The following PRODH2 variants were observed in gnomAD, a reference collection of about 807,000 sequenced individuals.
PRODH2 encodes hydroxyproline dehydrogenase.
Under a neutral mutation model 51.9 loss-of-function variants are expected in PRODH2, and 49 were observed. The ratio of observed to expected loss-of-function variants is 0.94; its 90% CI spans 0.75 to 1.20. The LOEUF (loss-of-function observed/expected upper bound fraction) is 1.20. Among genes scored for constraint, PRODH2 ranks in the 50% most tolerant of loss-of-function variants. PRODH2 has a pLI of 0.00. For synonymous variants in PRODH2, 249 were observed against 260.7 expected (o/e 0.96, Z 0.43); for missense variants, 597 against 610.9 (o/e 0.98, Z 0.24).
rs1185084503 is a variant in PRODH2 at position 35,802,245 on chromosome 19, T to C, written c.1144A>G (p.Thr382Ala). ...MWELGIPLDG[T>A]VCFGQLLGMC... ...CCCAGAAGTTGTCCGAAACAGACAG[T>C]CCCATCCAGAGGAATGCCCAGCTCC... is the stretch of plus-strand genomic sequence containing the variant. The change falls in exon 9 of 10, where the codon ACT becomes GCT. Residue 382 changes from threonine (T) to alanine (A), a missense_variant. Physicochemically the swap from Thr to Ala is moderately conservative, Grantham distance 58. Coordinates refer to ENST00000653904, the MANE Select transcript of PRODH2 (RefSeq NM_021232.2). 1.9e-6 allele frequency: 3 copies of C among 1,613,900 alleles called. No individual in the cohort carries two copies. Among genetic ancestry groups the C allele is most frequent in the African/African-American group, 2.7e-5 (2 of 74,874 alleles).
chr19:35,807,126 G>C lies in PRODH2; in HGVS notation c.598-5C>G, dbSNP rs1189297236. The C allele has an allele frequency of 6.5e-7, 1 of 1,547,008 alleles. No individual in the cohort carries two copies. Reference sequence around the variant, plus strand: ...GAGGCAGGAGACCTGGAGGTTCTAGGGGGCAGCAGGGGAAGTGGGGAAAAG... The same window carrying C: ...GAGGCAGGAGACCTGGAGGTTCTAGCGGGCAGCAGGGGAAGTGGGGAAAAG... On this transcript the variant is annotated splice_region_variant and splice_polypyrimidine_tract_variant and intron_variant, in intron 4 of 9. Transcript: ENST00000653904.
intron 7 of PRODH2, among the ~76,000 whole-genome samples, chr19:35,803,575 T>C (rs1972465902): frequency 1.3e-5 from 2 of 152,166 alleles, no homozygotes; most frequent in South Asian, 4.1e-4. Context: ...CTCTTGTCAC[T>C]GTGAGTTTCC....
intron 4 of PRODH2, among the ~76,000 whole-genome samples, chr19:35,809,023 A>G (rs1972559879): frequency 1.3e-5 from 2 of 150,276 alleles, no homozygotes; most frequent in Admixed American, 6.6e-5. Context: ...CAAGTGATCC[A>G]GCCCCACTTA....
In PRODH2 at chr19:35,810,260, A is replaced by AAATAATAATAATAATAAT. The variant is rs10676244; in HGVS notation, c.597+1684_597+1701dup. Among the ~76,000 whole-genome samples, 344 of 143,242 alleles carry AAATAATAATAATAATAAT rather than the reference A, an allele frequency of 2.4e-3. 4 individuals are homozygous for AAATAATAATAATAATAAT. The highest frequency in any genetic ancestry group is 8.6e-3 in the African/African-American group (330 of 38,314). The allele number at this position is 143,242 out of a possible 152,430, so 94.0% of individuals were successfully genotyped here. On this transcript the variant is annotated intron_variant, in intron 4 of 9. Transcript: ENST00000653904. ...GGCAACAGAGCAAGACTCTGTCTTA[A>AAATAATAATAATAATAAT]AATAATAATAATAATAATAATAATA...
chr19:35,801,887 A>T (rs1217052175), intron 9 of PRODH2: 1 of 359,888 alleles, frequency 2.8e-6, no homozygotes, highest in Non-Finnish European at 5.1e-6. Flanking sequence ...AATTTAGGAT[A>T]AAGTGATTTC....
At chr19:35,800,295 G>T (rs2146776278) in intron 9 of PRODH2, 73 bp from the exon 10 acceptor site, 10 of 1,374,246 alleles carry the variant, frequency 7.3e-6, no homozygotes, top group Non-Finnish European at 9.8e-6. Flanking sequence ...TGTTGCCCAG[G>T]CTGGAGTGCA....
intron 4 of PRODH2, 131 bp downstream of exon 4, chr19:35,811,831 G>T: frequency 2.3e-6 from 2 of 869,364 alleles, no homozygotes; most frequent in Non-Finnish European, 3.5e-6. Context: ...ATGCCTGGGA[G>T]CTACAGCTGC....
chr19:35,812,355 C>T lies in PRODH2; in HGVS notation c.371+5G>A. The T allele has an allele frequency of 6.2e-7, 1 of 1,611,624 alleles. No homozygotes were observed. Among genetic ancestry groups the T allele is most frequent in the Non-Finnish European group, 8.5e-7 (1 of 1,178,118 alleles). ...AGCCTCCCTGGGCCCTGGCTCCCTA[C>T]TCACCCACTCTTGGCAGCAGAGTCC... On this transcript the variant is annotated splice_donor_5th_base_variant and intron_variant, in intron 2 of 9. Coordinates refer to ENST00000653904, the MANE Select transcript of PRODH2 (RefSeq NM_021232.2).
intron 4 of PRODH2, 99 bp from the exon 5 acceptor site, chr19:35,807,220 G>T: frequency 8.7e-7 from 1 of 1,155,538 alleles, no homozygotes; most frequent in Non-Finnish European, 1.2e-6. Context: ...GGGGTTATGA[G>T]CCTAGAATCA....
intron 4 of PRODH2, among the ~76,000 whole-genome samples, chr19:35,808,411 G>C (rs1038534741): frequency 1.3e-5 from 2 of 152,140 alleles, no homozygotes; most frequent in Admixed American, 6.6e-5. Flanking sequence ...ATCCCACCTG[G>C]AGGCAGGTTG....
At position 35,802,207 on chromosome 19, in the gene PRODH2, G is replaced by A. The variant is rs529328760; in HGVS notation, c.1182C>T (p.His394=). The change falls in exon 9 of 10, where the codon CAC becomes CAT. Residue 394 remains histidine, a synonymous_variant. Transcript: ENST00000653904. ...CFGQLLGMCD[H]VSLALGQAGY... ...TTCACATACCCAGTGCTAGAGAGAC[G>A]TGGTCACACATGCCCAGAAGTTGTC... The A allele has an allele frequency of 6.2e-6, 10 of 1,613,924 alleles. No individual in the cohort carries two copies. The highest frequency in any genetic ancestry group is 3.3e-5 in the South Asian group (3 of 91,092).
At position 35,812,443 on chromosome 19, in the gene PRODH2, G is replaced by A. The variant is rs1181238085; in HGVS notation, c.288C>T (p.Cys96=). Residue 96 remains cysteine, a synonymous_variant, in exon 2 of 10, where the codon TGC becomes TGT. Coordinates refer to ENST00000653904, the MANE Select transcript of PRODH2 (RefSeq NM_021232.2). ...AGETAEEVKG[C]VQQLRTLSLR... is the part of the protein sequence containing the mutation. Reference sequence around the variant, plus strand: ...GGCTGAGGGTCCGCAGCTGCTGCACGCAGCCCTTCACCTCCTCTGCTGTCT... The same window carrying A: ...GGCTGAGGGTCCGCAGCTGCTGCACACAGCCCTTCACCTCCTCTGCTGTCT... The A allele has an allele frequency of 8.7e-6, 14 of 1,614,106 alleles. No individual in the cohort carries two copies. Among genetic ancestry groups the A allele is most frequent in the Middle Eastern group, 1.6e-4 (1 of 6,084 alleles).
chr19:35,810,191 G>A lies in PRODH2; in HGVS notation c.597+1771C>T, dbSNP rs375455222. 1.9e-4 allele frequency among the ~76,000 whole-genome samples: 28 copies of A among 149,372 alleles called. No homozygotes were observed. The East Asian group carries it at 4.3e-3, about 23-fold the overall frequency. ...GCTGAAGCAGGAGAACCCGGGAGGCGGAGGTCGCAGTGAGCAGAGATTGCG... is the reference window on the plus strand; with the variant it reads ...GCTGAAGCAGGAGAACCCGGGAGGCAGAGGTCGCAGTGAGCAGAGATTGCG... On this transcript the variant is annotated intron_variant, in intron 4 of 9. Coordinates refer to ENST00000653904, the MANE Select transcript of PRODH2 (RefSeq NM_021232.2).
chr19:35,802,315 G>C (rs371701965), intron 8 of PRODH2, 39 bp from the exon 9 acceptor site: 1 of 1,584,840 alleles, frequency 6.3e-7, no homozygotes, highest in Non-Finnish European at 8.7e-7. Context: ...GACTGTGGCT[G>C]CATCTACAGC....
Position 35,812,128 on chromosome 19 carries a change from C to G in PRODH2, c.510+6G>C, listed in dbSNP as rs777282041. The G allele has an allele frequency of 1.2e-6, 2 of 1,613,952 alleles. No individual in the cohort carries two copies. The highest frequency in any genetic ancestry group is 3.3e-5 in the Admixed American group (2 of 60,002). ...CTCCCCGCACCCCCGTCTTTGCACT[C>G]CTTACACAGAGCCGAGTACTGGTCA... is the stretch of plus-strand genomic sequence containing the variant. On this transcript the variant is annotated splice_donor_region_variant and intron_variant, in intron 3 of 9. Transcript: ENST00000653904.
intron 4 of PRODH2, among the ~76,000 whole-genome samples, chr19:35,808,225 A>T (rs1972544232): frequency 6.6e-6 from 1 of 152,220 alleles, no homozygotes; most frequent in African/African-American, 2.4e-5. Flanking sequence ...AACCGTTTCT[A>T]ACTCACAGTC....
Position 35,806,786 on chromosome 19 carries a change from G to A in PRODH2, c.723C>T (p.Tyr241=), listed in dbSNP as rs761346426. 3.1e-6 allele frequency: 5 copies of A among 1,612,776 alleles called. No homozygotes were observed. In the South Asian group the frequency reaches 4.4e-5, roughly 14 times the overall value. ...QHVRLLVDAE[Y]TSLNPALSLL... Reference sequence around the variant, plus strand: ...GCGAGAGCGCAGGGTTCAGTGAGGTGTACTCCGCATCCACCAGGAGCCGCA... The same window carrying A: ...GCGAGAGCGCAGGGTTCAGTGAGGTATACTCCGCATCCACCAGGAGCCGCA... The change falls in exon 6 of 10, where the codon TAC becomes TAT. Residue 241 remains tyrosine, a synonymous_variant. Transcript: ENST00000653904.
In PRODH2 at chr19:35,807,048, A is replaced by G. The variant is rs1414825119; in HGVS notation, c.671T>C (p.Val224Ala). ...TCCAGCAGGAGGGGTTACCTGTGCC[A>G]CCCGATGCAGGCGGCTGAGGGAGGC... ...LRASLSRLHR[V>A]AQYARAQHVR... The change falls in exon 5 of 10, where the codon GTG becomes GCG. Residue 224 changes from valine (V) to alanine (A), a missense_variant. Transcript: ENST00000653904. 3 of 1,551,164 alleles carry G rather than the reference A, an allele frequency of 1.9e-6. No homozygotes were observed. The highest frequency in any genetic ancestry group is 2.6e-6 in the Non-Finnish European group (3 of 1,147,410).
chr19:35,804,105 T>C (rs954351455), intron 7 of PRODH2, among the ~76,000 whole-genome samples: 2 of 152,200 alleles, frequency 1.3e-5, no homozygotes, highest in Non-Finnish European at 2.9e-5. Flanking sequence ...CACAGCTCCC[T>C]AAGGTGGCCC....
Sources: gnomAD v4.1 joint callset for allele counts (sites outside exome capture counted in the v4.1 genomes callset) on GRCh38, gnomAD v4.1.1 for gene constraint, MANE v1.5 for transcripts, NCBI Gene and HGNC (gene_info 2026-07-23, HGNC 2026-07-21) for gene names.